PTPRZ1: variants seen among roughly 807,000 people sequenced by gnomAD.
PTPRZ1 encodes the protein receptor-type tyrosine-protein phosphatase zeta.
A neutral mutation model predicts 214.1 loss-of-function variants in PTPRZ1; 82 were observed. The ratio of observed to expected loss-of-function variants is 0.38; its 90% CI spans 0.32 to 0.46. PTPRZ1 has a LOEUF of 0.46. Among genes scored for constraint, PTPRZ1 ranks in the 20% least tolerant of loss-of-function variants. The pLI, the probability that PTPRZ1 is intolerant of heterozygous loss-of-function variation, is 1.00. For missense variants in PTPRZ1, 2,603 were observed against 2,748.7 expected, an observed-to-expected ratio of 0.95 and a Z score of 1.19; for synonymous variants, 945 against 987.9, an observed-to-expected ratio of 0.96 and a Z score of 0.81.
chr7:121,876,336 C>G (rs1364281918), intron 1 of PTPRZ1, among the ~76,000 whole-genome samples: 1 of 152,066 alleles, frequency 6.6e-6, no homozygotes, highest in African/African-American at 2.4e-5. Flanking sequence ...ATAATTTCTT[C>G]CAATTAATGA....
chr7:121,976,249 C>T lies in PTPRZ1; in HGVS notation c.533C>T (p.Ala178Val). 6.2e-7 allele frequency: 1 copy of T among 1,604,712 alleles called. No individual in the cohort carries two copies. The highest frequency in any genetic ancestry group is 8.5e-7 in the Non-Finnish European group (1 of 1,173,510). The stretch of plus-strand genomic sequence containing the variant: ...GTCAAAGGAAAAGGGAAGTTAAGAG[C>T]TTTATCCATTTTGTTTGAGGTAATA... ...EAVKGKGKLR[A>V]LSILFEVGTE... The change falls in exon 5 of 30, where the codon GCT (alanine) becomes GTT (valine). Residue 178 changes from alanine (A) to valine (V), a missense_variant. Physicochemically the swap from Ala to Val is moderately conservative, Grantham distance 64. Transcript: ENST00000393386.
intron 2 of PTPRZ1, among the ~76,000 whole-genome samples, chr7:121,931,931 G>T (rs565671115): frequency 6.6e-6 from 1 of 152,102 alleles, no homozygotes; most frequent in East Asian, 1.9e-4. Flanking sequence ...TTTGTTGTAG[G>T]GGGGTGGGGT....
chr7:121,925,033 G>A (rs562759408), intron 1 of PTPRZ1, among the ~76,000 whole-genome samples: 14 of 152,196 alleles, frequency 9.2e-5, no homozygotes, highest in Non-Finnish European at 2.1e-4. Flanking sequence ...AGAGTAACCA[G>A]TAGCTCAGGA....
At chr7:122,035,114 A>G (rs1333848295) in intron 17 of PTPRZ1, among the ~76,000 whole-genome samples, 2 of 152,000 alleles carry the variant, frequency 1.3e-5, no homozygotes, top group Non-Finnish European at 2.9e-5. Flanking sequence ...TTCTACTTAT[A>G]CCCTTTCTAT....
intron 2 of PTPRZ1, among the ~76,000 whole-genome samples, chr7:121,944,351 A>G (rs1261200385): frequency 1.3e-5 from 2 of 152,040 alleles, no homozygotes; most frequent in Admixed American, 1.3e-4. Context: ...TTATATATAT[A>G]TTTTTAAGTT....
intron 25 of PTPRZ1, among the ~76,000 whole-genome samples, chr7:122,052,143 G>A (rs1015895421): frequency 3.3e-5 from 5 of 152,270 alleles, no homozygotes; most frequent in African/African-American, 1.2e-4. Flanking sequence ...GAAACCTCAA[G>A]CAAGACCAAT....
chr7:121,987,134 GT>G (rs1164988408), intron 8 of PTPRZ1, among the ~76,000 whole-genome samples: 1 of 152,176 alleles, frequency 6.6e-6, no homozygotes, highest in Non-Finnish European at 1.5e-5. Flanking sequence ...ATGGCCATCA[GT>G]TTTTATTCTA....
intron 8 of PTPRZ1, among the ~76,000 whole-genome samples, chr7:121,985,199 AG>A (rs1304224486): frequency 6.6e-6 from 1 of 152,216 alleles, no homozygotes. Flanking sequence ...CCCCAAAGTG[AG>A]GAAATTTAAT....
Position 121,956,764 on chromosome 7 carries a change from A to G in PTPRZ1, c.125-11187A>G, listed in dbSNP as rs146904419. 2.0e-5 allele frequency among the ~76,000 whole-genome samples: 3 copies of G among 152,360 alleles called. No homozygotes were observed. The East Asian group carries it at 5.8e-4, about 29-fold the overall frequency. On this transcript the variant is annotated intron_variant, in intron 2 of 29. Coordinates refer to ENST00000393386, the MANE Select transcript of PTPRZ1 (RefSeq NM_002851.3). ...AGAACTAATTTGTTTTCCATACCAC[A>G]AGGCTTTTGCACCAAGGTGGCCATG...
At chr7:122,057,049 T>C (rs1014913096) in intron 27 of PTPRZ1, among the ~76,000 whole-genome samples, 1 of 151,976 alleles carries the variant, frequency 6.6e-6, no homozygotes, top group Admixed American at 6.6e-5. Context: ...TTTGTTGTGT[T>C]TTGTCTTGGT....
chr7:121,908,353 C>CTCGGTGGTCGCCGTATCATTAAA, intron 1 of PTPRZ1: 1 of 312,196 alleles, frequency 3.2e-6, no homozygotes. Context: ...ATGTGTAGAT[C>CTCGGTGGTCGCCGTATCATTAAA]AATCCCTTTG....
intron 8 of PTPRZ1, among the ~76,000 whole-genome samples, chr7:121,990,884 CAT>C (rs1046227319): frequency 6.6e-6 from 1 of 152,152 alleles, no homozygotes; most frequent in African/African-American, 2.4e-5. Flanking sequence ...ACAGTACAAA[CAT>C]AGCAAAAGTA....
Position 121,873,194 on chromosome 7 carries a change from A to G in PTPRZ1, c.-306A>G. The G allele has an allele frequency of 4.8e-6, 2 of 415,106 alleles. No homozygotes were observed. The highest frequency in any genetic ancestry group is 8.5e-6 in the Non-Finnish European group (2 of 236,090). 25.7% of individuals were successfully genotyped at this position (415,106 alleles called of 1,614,324 possible). On this transcript the variant is annotated 5_prime_UTR_variant, in exon 1 of 30. Coordinates refer to ENST00000393386, the MANE Select transcript of PTPRZ1 (RefSeq NM_002851.3). Reference sequence around the variant, plus strand: ...GCCGCCGCAGCCGGCGAAAGAGGCAAAGTCCCGCACGCCGGAGGACATGCG... The same window carrying G: ...GCCGCCGCAGCCGGCGAAAGAGGCAGAGTCCCGCACGCCGGAGGACATGCG...
intron 13 of PTPRZ1, among the ~76,000 whole-genome samples, chr7:122,024,603 T>G (rs1351913751): frequency 6.6e-6 from 1 of 152,174 alleles, no homozygotes; most frequent in Non-Finnish European, 1.5e-5. Flanking sequence ...TTTAATTTTT[T>G]TTTTTTACTT....
chr7:122,014,490 G>A (rs993239885), intron 12 of PTPRZ1, among the ~76,000 whole-genome samples: 1 of 152,052 alleles, frequency 6.6e-6, no homozygotes, highest in Non-Finnish European at 1.5e-5. Context: ...CCAGGCTGGA[G>A]TGCAGTGGTG....
chr7:121,877,295 C>T (rs1794091602), intron 1 of PTPRZ1, among the ~76,000 whole-genome samples: 2 of 152,176 alleles, frequency 1.3e-5, no homozygotes, highest in Non-Finnish European at 2.9e-5. Context: ...AATCCAGAGC[C>T]TGAGGCTTTT....
chr7:121,981,770 T>TGG (rs1191931147), intron 6 of PTPRZ1, among the ~76,000 whole-genome samples: 1 of 147,294 alleles, frequency 6.8e-6, no homozygotes, highest in Non-Finnish European at 1.5e-5. Context: ...CCATATTTAT[T>TGG]GGTGTGTGTG....
intron 1 of PTPRZ1, among the ~76,000 whole-genome samples, chr7:121,914,148 T>G (rs962180831): frequency 6.6e-6 from 1 of 152,152 alleles, no homozygotes; most frequent in African/African-American, 2.4e-5. Context: ...ACCCTGTCTC[T>G]AAATAAATAT....
chr7:121,987,951 T>C (rs1797813479), intron 8 of PTPRZ1, among the ~76,000 whole-genome samples: 1 of 152,172 alleles, frequency 6.6e-6, no homozygotes, highest in South Asian at 2.1e-4. Flanking sequence ...TTCTCACTTA[T>C]AAGTGGGAGC....
Sources: gnomAD v4.1 joint callset for allele counts (sites outside exome capture counted in the v4.1 genomes callset) on GRCh38, gnomAD v4.1.1 for gene constraint, MANE v1.5 for transcripts, NCBI Gene and HGNC (gene_info 2026-07-23, HGNC 2026-07-21) for gene names.